ESRRG: variants seen among roughly 807,000 people sequenced by gnomAD.
ESRRG encodes estrogen-related receptor gamma.
A neutral mutation model predicts 44.0 loss-of-function variants in ESRRG; 13 were observed. The observed-to-expected ratio is 0.30, with a 90% CI of 0.19 to 0.47. The LOEUF (loss-of-function observed/expected upper bound fraction) is 0.47. Ranked by LOEUF, ESRRG falls within the 20% of genes least tolerant of loss-of-function variation. The pLI is 1.00. For synonymous variants in ESRRG, 215 were observed against 214.6 expected, an observed-to-expected ratio of 1.00 and a Z score of -0.02; for missense variants, 395 against 580.6, an observed-to-expected ratio of 0.68 and a Z score of 3.29.
At chr1:216,721,246 G>C (rs1006328742) in intron 1 of ESRRG, among the ~76,000 whole-genome samples, 3 of 152,186 alleles carry the variant, frequency 2.0e-5, no homozygotes, top group South Asian at 4.1e-4. Flanking sequence ...CTCCAAAGCA[G>C]AAACTGTCCA....
chr1:216,773,589 C>A (rs2093470379), intron 2 of ESRRG, among the ~76,000 whole-genome samples: 1 of 152,060 alleles, frequency 6.6e-6, no homozygotes, highest in African/African-American at 2.4e-5. Context: ...CTCAGGGCTT[C>A]AATAAATATC....
chr1:216,851,549 T>G (rs566984047), intron 2 of ESRRG, among the ~76,000 whole-genome samples: 1 of 152,108 alleles, frequency 6.6e-6, no homozygotes, highest in Non-Finnish European at 1.5e-5. Context: ...CTCTTTCCAC[T>G]GTATGAGGAT....
chr1:216,682,515 C>A (rs1442382377), intron 1 of ESRRG, among the ~76,000 whole-genome samples: 9 of 152,010 alleles, frequency 5.9e-5, no homozygotes. Context: ...GTCCTCAGCT[C>A]CTCTGTGTGA....
intron 1 of ESRRG, among the ~76,000 whole-genome samples, chr1:217,076,079 G>T (rs2091261312): frequency 6.6e-6 from 1 of 152,164 alleles, no homozygotes; most frequent in Admixed American, 6.5e-5. Context: ...CCAGGATGAT[G>T]CAATTATTTA....
intron 2 of ESRRG, among the ~76,000 whole-genome samples, chr1:216,796,246 A>G (rs1445986351): frequency 6.6e-6 from 1 of 152,134 alleles, no homozygotes; most frequent in African/African-American, 2.4e-5. Flanking sequence ...CATTACAGGA[A>G]AGCATGTACA....
intron 2 of ESRRG, among the ~76,000 whole-genome samples, chr1:216,676,455 A>G (rs2076125443): frequency 6.6e-6 from 1 of 152,182 alleles, no homozygotes; most frequent in African/African-American, 2.4e-5. Flanking sequence ...TCCAACCATA[A>G]GGAAAAAAGA....
At chr1:216,881,579 A>G (rs950729893) in intron 2 of ESRRG, among the ~76,000 whole-genome samples, 2 of 152,030 alleles carry the variant, frequency 1.3e-5, no homozygotes, top group Admixed American at 6.6e-5. Flanking sequence ...TTTTCTATGT[A>G]TCTAGGGTTC....
intron 6 of ESRRG, among the ~76,000 whole-genome samples, chr1:216,518,114 G>A (rs961754133): frequency 6.6e-6 from 1 of 152,068 alleles, no homozygotes; most frequent in African/African-American, 2.4e-5. Flanking sequence ...TCACAAAGTC[G>A]TCATCCACAA....
At chr1:216,856,407 C>T (rs994996363) in intron 2 of ESRRG, among the ~76,000 whole-genome samples, 3 of 148,154 alleles carry the variant, frequency 2.0e-5, no homozygotes, top group Non-Finnish European at 4.5e-5. Context: ...CGAACAGAAG[C>T]GATTCGAGAG....
rs537436491 is a variant in ESRRG, at chr1:216,504,471, C to T, written c.*2468G>A. On this transcript the variant is annotated 3_prime_UTR_variant, in exon 7 of 7. Transcript: ENST00000408911. ...GAATCACACTACAGTCACTTCTCTA[C>T]TGAGAAACCACAATCTACAATATAG... The T allele has an allele frequency of 6.6e-6, 1 of 152,658 alleles. No homozygotes were observed. Among genetic ancestry groups the T allele is most frequent in the South Asian group, 2.1e-4 (1 of 4,826 alleles). The allele number at this position is 152,658 out of a possible 1,614,324, so 9.5% of individuals were successfully genotyped here.
chr1:216,867,133 T>C (rs1389872324), intron 2 of ESRRG, among the ~76,000 whole-genome samples: 3 of 152,212 alleles, frequency 2.0e-5, no homozygotes, highest in Non-Finnish European at 2.9e-5. Context: ...AGGAAGTATA[T>C]TAGCTGCAAG....
intron 5 of ESRRG, among the ~76,000 whole-genome samples, chr1:216,561,253 T>C (rs544436229): frequency 2.6e-5 from 4 of 152,252 alleles, no homozygotes; most frequent in African/African-American, 9.6e-5. Flanking sequence ...AAACTACTCA[T>C]TTTCGATGCT....
intron 3 of ESRRG, among the ~76,000 whole-genome samples, chr1:216,611,560 T>C (rs2060671628): frequency 6.6e-6 from 1 of 152,152 alleles, no homozygotes; most frequent in Non-Finnish European, 1.5e-5. Flanking sequence ...CTGCTGCCAA[T>C]GAGTTTATCA....
At chr1:216,913,151 A>T (rs2060697022) in intron 2 of ESRRG, among the ~76,000 whole-genome samples, 1 of 151,350 alleles carries the variant, frequency 6.6e-6, no homozygotes, top group South Asian at 2.1e-4. Flanking sequence ...AGACAGAAAA[A>T]CGAAAATATT....
intron 1 of ESRRG, among the ~76,000 whole-genome samples, chr1:216,943,593 T>C (rs535863436): frequency 6.6e-6 from 1 of 152,322 alleles, no homozygotes; most frequent in Non-Finnish European, 1.5e-5. Flanking sequence ...TATATCTTAC[T>C]GTGAGGGTTT....
intron 5 of ESRRG, among the ~76,000 whole-genome samples, chr1:216,546,552 C>A (rs968829582): frequency 2.6e-5 from 4 of 152,068 alleles, no homozygotes; most frequent in African/African-American, 7.2e-5. Flanking sequence ...ACAAGAGGAT[C>A]GGCATTTTCA....
At chr1:216,768,084 A>G (rs528184340) in intron 2 of ESRRG, among the ~76,000 whole-genome samples, 153 of 152,232 alleles carry the variant, frequency 1.0e-3, no homozygotes, top group African/African-American at 3.5e-3. Flanking sequence ...AAATCCTGAA[A>G]GGAAGGGGTT....
intron 2 of ESRRG, among the ~76,000 whole-genome samples, chr1:216,776,065 C>T (rs1341694220): frequency 6.6e-6 from 1 of 152,024 alleles, no homozygotes; most frequent in African/African-American, 2.4e-5. Context: ...CTTCTTATCA[C>T]TCCTCTATGT....
At chr1:216,723,731 CTTTCT>C (rs1460423647), upstream of ESRRG, among the ~76,000 whole-genome samples, 1 of 151,648 alleles carries the variant, frequency 6.6e-6, no homozygotes, top group East Asian at 1.9e-4. Flanking sequence ...CCTTCTCTCT[CTTTCT>C]TTTTTTTTTC....
Sources: allele counts gnomAD v4.1 joint callset (sites outside exome capture counted in the v4.1 genomes callset), GRCh38; gene constraint gnomAD v4.1.1; transcripts MANE v1.5; gene names NCBI Gene and HGNC (gene_info 2026-07-23, HGNC 2026-07-21).